The following ZNF516 variants were observed in gnomAD, a reference collection of about 807,000 sequenced individuals.
ZNF516 encodes the protein zinc finger protein 516.
ZNF516 carries 19 observed loss-of-function variants against 79.7 expected under a neutral mutation model. The ratio of observed to expected loss-of-function variants is 0.24; its 90% confidence interval spans 0.17 to 0.35. The LOEUF is 0.35. ZNF516 is among the 10% of genes least tolerant of loss of function. The pLI is 1.00. For synonymous variants in ZNF516, 877 were observed against 739.5 expected, an observed-to-expected ratio of 1.19 and a Z score of -3.02; for missense variants, 1,678 against 1,679.5, an observed-to-expected ratio of 1.00 and a Z score of 0.02.
intron 1 of ZNF516, among the ~76,000 whole-genome samples, chr18:76,473,905 G>GTGT (rs1555718873): frequency 0.1 from 826 of 8,256 alleles, 71 homozygotes; most frequent in Middle Eastern, 0.29. Flanking sequence ...TTTTTGTGTG[G>GTGT]GGGGGGGGGG....
chr18:76,441,532 G>T lies in ZNF516; in HGVS notation c.1523C>A (p.Thr508Asn), dbSNP rs2075821800. Reference protein sequence around the residue: ...AARPNRRAAATTGQGKSSECF... With the variant: ...AARPNRRAAANTGQGKSSECF... ...CTCGGAGGACTTGCCCTGGCCGGTG[G>T]TGGCTGCGGCCCTGCGGTTGGGGCG... Residue 508 changes from threonine to asparagine, a missense_variant, in exon 3 of 7, where the codon ACC becomes AAC. This residue lies in a region of ZNF516 where 1,294 missense variants were observed against 1,248.3 expected (regional missense o/e 1.04). Coordinates refer to ENST00000443185, the MANE Select transcript of ZNF516 (RefSeq NM_014643.4). 1 of 1,574,378 alleles carries T rather than the reference G, an allele frequency of 6.4e-7. No homozygotes were observed. Among genetic ancestry groups the T allele is most frequent in the Non-Finnish European group, 8.6e-7 (1 of 1,162,466 alleles).
intron 1 of ZNF516, chr18:76,487,904 G>C (rs1914922487): frequency 4.1e-6 from 4 of 984,396 alleles, no homozygotes; most frequent in Non-Finnish European, 4.8e-6. Context: ...AAGGACTGAG[G>C]ATGAGAGCCC....
chr18:76,476,223 T>C (rs1914165150), intron 1 of ZNF516, among the ~76,000 whole-genome samples: 1 of 152,206 alleles, frequency 6.6e-6, no homozygotes, highest in Admixed American at 6.5e-5. Flanking sequence ...TGCAGTGAGT[T>C]CCACAACCAT....
chr18:76,470,963 T>TA (rs1913799253), intron 1 of ZNF516, among the ~76,000 whole-genome samples: 1 of 152,248 alleles, frequency 6.6e-6, no homozygotes, highest in Non-Finnish European at 1.5e-5. Context: ...CCTGATTTTT[T>TA]AAATTTCTTT....
intron 3 of ZNF516, among the ~76,000 whole-genome samples, chr18:76,410,302 T>C (rs1356035514): frequency 6.6e-6 from 1 of 152,222 alleles, no homozygotes; most frequent in Admixed American, 6.5e-5. Flanking sequence ...AGCTTCTTGA[T>C]AGAGCTTCCT....
chr18:76,445,055 G>A (rs1281469768), intron 2 of ZNF516, among the ~76,000 whole-genome samples: 1 of 152,152 alleles, frequency 6.6e-6, no homozygotes, highest in African/African-American at 2.4e-5. Flanking sequence ...GGGCATGAGA[G>A]AGATGCCCAC....
intron 2 of ZNF516, among the ~76,000 whole-genome samples, chr18:76,455,323 C>G (rs1912655632): frequency 6.6e-6 from 1 of 152,218 alleles, no homozygotes; most frequent in Non-Finnish European, 1.5e-5. Flanking sequence ...TTTCCTCTCT[C>G]TTTTCCTGCA....
chr18:76,466,391 C>A (rs1478316792), intron 1 of ZNF516, among the ~76,000 whole-genome samples: 3 of 152,222 alleles, frequency 2.0e-5, no homozygotes, highest in Non-Finnish European at 4.4e-5. Flanking sequence ...CAGTTCCCCA[C>A]TCCCATAATG....
chr18:76,434,844 A>G (rs1005852961), intron 3 of ZNF516, among the ~76,000 whole-genome samples: 1 of 152,248 alleles, frequency 6.6e-6, no homozygotes, highest in African/African-American at 2.4e-5. Context: ...GGTGGAAATC[A>G]CAGCCTCCCC....
At position 76,360,646 on chromosome 18, in the gene ZNF516, A is replaced by AAAAAAAAAAAAAATAT. The variant is rs373540251; in HGVS notation, c.*1851_*1852insATATTTTTTTTTTTTT. On this transcript the variant is annotated 3_prime_UTR_variant, in exon 7 of 7. Coordinates refer to ENST00000443185, the MANE Select transcript of ZNF516 (RefSeq NM_014643.4). ...AAAAAAATAAGTAAAAAAAAAAAAA[A>AAAAAAAAAAAAAATAT]ATATATATATATATATATATATATA... The AAAAAAAAAAAAAATAT allele has an allele frequency of 2.8e-5, 2 of 72,494 alleles. No homozygotes were observed. Among genetic ancestry groups the AAAAAAAAAAAAAATAT allele is most frequent in the Non-Finnish European group, 5.4e-5 (2 of 36,934 alleles). 4.5% of individuals were successfully genotyped at this position (72,494 alleles called of 1,614,324 possible). A position where few individuals can be genotyped will look rare whatever the true frequency, so the allele number is the denominator to read the frequency against.
Position 76,435,501 on chromosome 18 carries a change from G to A in ZNF516, c.1810+5744C>T, listed in dbSNP as rs1257580272. Among the ~76,000 whole-genome samples, 6 of 152,308 alleles carry A rather than the reference G, an allele frequency of 3.9e-5. No homozygotes were observed. In the East Asian group the frequency reaches 7.7e-4, roughly 20 times the overall value. On this transcript the variant is annotated intron_variant, in intron 3 of 6. Transcript: ENST00000443185. The stretch of plus-strand genomic sequence containing the variant: ...ACCCAGGGCCCTGTGAACAATCACC[G>A]TCGTGTTCATGTGTGCGGGAGCGCG...
chr18:76,494,462 A>T (rs908404958), intron 1 of ZNF516, among the ~76,000 whole-genome samples: 1 of 14,874 alleles, frequency 6.7e-5, no homozygotes, highest in Non-Finnish European at 1.4e-4. Context: ...CCCCACCCCC[A>T]CCCCCGCCCG....
At chr18:76,489,393 C>A (rs973150250) in intron 1 of ZNF516, among the ~76,000 whole-genome samples, 1 of 152,118 alleles carries the variant, frequency 6.6e-6, no homozygotes, top group Non-Finnish European at 1.5e-5. Context: ...TTTTCACATA[C>A]GTTGCTAAAC....
chr18:76,370,977 G>A (rs546919046), intron 5 of ZNF516, among the ~76,000 whole-genome samples: 49 of 152,230 alleles, frequency 3.2e-4, no homozygotes, highest in African/African-American at 1.1e-3. Flanking sequence ...ATGCCCCTGC[G>A]CTGTCCTGAC....
At position 76,442,862 on chromosome 18, in the gene ZNF516, G is replaced by C. The variant is rs1370266881; in HGVS notation, c.193C>G (p.Pro65Ala). ...TGGGAAGCCCGGTGGTCGCAGTAGGGACACTTGTAGGGCTTCTCGCCCGTG... is the reference window on the plus strand; with the variant it reads ...TGGGAAGCCCGGTGGTCGCAGTAGGCACACTTGTAGGGCTTCTCGCCCGTG... Reference protein sequence around the residue: ...KHTGEKPYKCPYCDHRASQKG... With the variant: ...KHTGEKPYKCAYCDHRASQKG... The change falls in exon 3 of 7, where the codon CCC becomes GCC. Residue 65 changes from proline to alanine, a missense_variant. Transcript: ENST00000443185. 1 of 1,613,490 alleles carries C rather than the reference G, an allele frequency of 6.2e-7. No individual in the cohort carries two copies. The highest frequency in any genetic ancestry group is 8.5e-7 in the Non-Finnish European group (1 of 1,179,764).
At position 76,467,608 on chromosome 18, in the gene ZNF516, G is replaced by T. The variant is rs1215818155; in HGVS notation, c.-271-4467C>A. 6.6e-6 allele frequency among the ~76,000 whole-genome samples: 1 copy of T among 152,168 alleles called. No individual in the cohort carries two copies. The highest frequency in any genetic ancestry group is 1.5e-5 in the Non-Finnish European group (1 of 68,038). ...GGTGGTGGGGAGGTCCAAACCAGAG[G>T]GGAGTCCCTGCTGCTCCTTCCTAAC... On this transcript the variant is annotated intron_variant, in intron 1 of 6. Transcript: ENST00000443185. This position sits in a 1 kb window ranked among gnomAD's most constrained non-coding sequence, Gnocchi z 4.2.
chr18:76,409,318 A>C (rs1282967667), intron 3 of ZNF516, among the ~76,000 whole-genome samples: 1 of 152,236 alleles, frequency 6.6e-6, no homozygotes, highest in Non-Finnish European at 1.5e-5. Flanking sequence ...TAATCACAAA[A>C]TATTCATTAT....
At chr18:76,475,484 C>T (rs949134634) in intron 1 of ZNF516, among the ~76,000 whole-genome samples, 11 of 152,184 alleles carry the variant, frequency 7.2e-5, no homozygotes, top group African/African-American at 2.2e-4. Context: ...AATTCCACCT[C>T]GGGGAACTTA....
At chr18:76,460,838 C>T (rs991050050) in intron 2 of ZNF516, among the ~76,000 whole-genome samples, 5 of 152,172 alleles carry the variant, frequency 3.3e-5, no homozygotes, top group South Asian at 4.1e-4. Flanking sequence ...TTGTTCATGG[C>T]GGGTAATTAC....
Sources: allele counts gnomAD v4.1 joint callset (sites outside exome capture counted in the v4.1 genomes callset), GRCh38; gene constraint gnomAD v4.1.1; regional missense constraint gnomAD v4.1.1; non-coding constraint Gnocchi (gnomAD v3.1); transcripts MANE v1.5; gene names NCBI Gene and HGNC (gene_info 2026-07-23, HGNC 2026-07-21).